Variants in GPC5 observed in about 807,000 individuals in gnomAD.
GPC5 encodes glypican-5.
GPC5 carries 47 observed loss-of-function variants against 53.9 expected under a neutral mutation model. The ratio of observed to expected loss-of-function variants is 0.87; its 90% CI spans 0.69 to 1.11. The LOEUF (loss-of-function observed/expected upper bound fraction) is 1.11. Among genes scored for constraint, GPC5 ranks in the 50% most tolerant of loss-of-function variants. The probability of loss-of-function intolerance (pLI) is 0.00; values close to 1 mark genes in which losing one functional copy is unlikely to be tolerated. For missense variants in GPC5, 748 were observed against 713.1 expected (o/e 1.05, Z -0.56); for synonymous variants, 286 against 263.3 (o/e 1.09, Z -0.84).
chr13:91,583,676 A>G (rs1378203210), intron 2 of GPC5, among the ~76,000 whole-genome samples: 1 of 152,166 alleles, frequency 6.6e-6, no homozygotes, highest in African/African-American at 2.4e-5. Flanking sequence ...AAGAATAAGT[A>G]AAATAGCTGA....
chr13:91,455,997 C>A (rs1159594148), intron 2 of GPC5, among the ~76,000 whole-genome samples: 1 of 152,126 alleles, frequency 6.6e-6, no homozygotes, highest in Non-Finnish European at 1.5e-5. Flanking sequence ...AGCCCTCCAA[C>A]ATCAATCCAT....
At chr13:92,702,279 G>A (rs1483468203) in intron 7 of GPC5, among the ~76,000 whole-genome samples, 1 of 152,056 alleles carries the variant, frequency 6.6e-6, no homozygotes, top group African/African-American at 2.4e-5. Flanking sequence ...CCATATGCAT[G>A]CTGATGATAT....
intron 7 of GPC5, among the ~76,000 whole-genome samples, chr13:92,747,251 C>A (rs1216875560): frequency 1.3e-5 from 2 of 152,226 alleles, no homozygotes; most frequent in East Asian, 3.9e-4. Context: ...GTTATTTTAT[C>A]CCCATTTTAC....
At chr13:92,057,290 C>G (rs996355163) in intron 6 of GPC5, among the ~76,000 whole-genome samples, 2 of 113,684 alleles carry the variant, frequency 1.8e-5, no homozygotes, top group African/African-American at 6.2e-5. Flanking sequence ...ATGTGGAAAA[C>G]AAAAAAACAA....
chr13:91,964,120 G>A (rs557972075), intron 6 of GPC5, among the ~76,000 whole-genome samples: 2 of 152,274 alleles, frequency 1.3e-5, no homozygotes, highest in Non-Finnish European at 2.9e-5. Flanking sequence ...GAGGTCTCCA[G>A]AGTTTCTTCC....
chr13:92,369,604 G>C (rs966832086), intron 7 of GPC5, among the ~76,000 whole-genome samples: 1 of 152,220 alleles, frequency 6.6e-6, no homozygotes, highest in Non-Finnish European at 1.5e-5. Flanking sequence ...ACAAGCTATT[G>C]TAGGAAAACT....
intron 2 of GPC5, among the ~76,000 whole-genome samples, chr13:91,585,222 A>G (rs2032517705): frequency 6.6e-6 from 1 of 152,210 alleles, no homozygotes; most frequent in Non-Finnish European, 1.5e-5. Context: ...GATTAGCACC[A>G]TCATTTTGGA....
intron 6 of GPC5, among the ~76,000 whole-genome samples, chr13:92,024,728 A>C (rs1247329496): frequency 6.6e-6 from 1 of 152,176 alleles, no homozygotes; most frequent in East Asian, 1.9e-4. Context: ...ATGACCAAAC[A>C]CATACTTATT....
chr13:92,664,404 T>C (rs1235215655), intron 7 of GPC5, among the ~76,000 whole-genome samples: 1 of 151,972 alleles, frequency 6.6e-6, no homozygotes, highest in Non-Finnish European at 1.5e-5. Context: ...TTTACTTCCT[T>C]CTTCAGCTTC....
intron 7 of GPC5, among the ~76,000 whole-genome samples, chr13:92,706,672 C>G (rs563190369): frequency 5.3e-5 from 8 of 152,080 alleles, no homozygotes; most frequent in Non-Finnish European, 1.0e-4. Context: ...ATATTAGCCT[C>G]CCCTGGTAAT....
At chr13:91,418,443 C>T (rs1267699595) in intron 1 of GPC5, among the ~76,000 whole-genome samples, 1 of 152,160 alleles carries the variant, frequency 6.6e-6, no homozygotes, top group African/African-American at 2.4e-5. Context: ...TTGACACAAG[C>T]ATGAAGTGGA....
chr13:92,515,232 A>G (rs1880725932), intron 7 of GPC5, among the ~76,000 whole-genome samples: 1 of 152,204 alleles, frequency 6.6e-6, no homozygotes, highest in Admixed American at 6.5e-5. Context: ...AGAACAAGTA[A>G]ATGAACACAT....
rs559843761 is a variant in GPC5, at chr13:92,789,512, G to C, written c.1562-76770G>C. 1.1e-3 allele frequency among the ~76,000 whole-genome samples: 170 copies of C among 152,196 alleles called. 2 individuals carry two copies. Among genetic ancestry groups the C allele is most frequent in the Non-Finnish European group, 1.1e-3 (73 of 68,010 alleles). On this transcript the variant is annotated intron_variant, in intron 7 of 7. Coordinates refer to ENST00000377067, the MANE Select transcript of GPC5 (RefSeq NM_004466.6). ...TTAACAAACTCAGGTCATTTATCATGTGTGAAACTGTCAAACACCATTCTA... is the reference window on the plus strand; with the variant it reads ...TTAACAAACTCAGGTCATTTATCATCTGTGAAACTGTCAAACACCATTCTA...
chr13:91,978,111 A>G (rs546346858), intron 6 of GPC5, among the ~76,000 whole-genome samples: 6 of 152,338 alleles, frequency 3.9e-5, no homozygotes, highest in Middle Eastern at 3.4e-3. Context: ...GCCATGAGCC[A>G]TGATCGTGCC....
At chr13:92,426,210 G>T (rs1272048699) in intron 7 of GPC5, among the ~76,000 whole-genome samples, 3 of 151,826 alleles carry the variant, frequency 2.0e-5, no homozygotes, top group Non-Finnish European at 4.4e-5. Flanking sequence ...TATATATCTG[G>T]CCATCAGTCC....
chr13:92,480,004 G>T (rs1325270795), intron 7 of GPC5, among the ~76,000 whole-genome samples: 1 of 152,096 alleles, frequency 6.6e-6, no homozygotes, highest in Non-Finnish European at 1.5e-5. Flanking sequence ...AATACAAAGT[G>T]GGCCAGGCAT....
intron 7 of GPC5, among the ~76,000 whole-genome samples, chr13:92,156,173 AC>A (rs963441011): frequency 1.4e-4 from 21 of 151,904 alleles, no homozygotes; most frequent in Admixed American, 7.2e-4. Flanking sequence ...TCTCTTCTTA[AC>A]TTTCTGTTAT....
chr13:92,836,545 G>A (rs1878225576), intron 7 of GPC5, among the ~76,000 whole-genome samples: 1 of 152,000 alleles, frequency 6.6e-6, no homozygotes, highest in Admixed American at 6.6e-5. Flanking sequence ...AGTTATACTG[G>A]TTATACAGTA....
chr13:92,134,238 T>C (rs558920154), intron 6 of GPC5, among the ~76,000 whole-genome samples: 1 of 152,296 alleles, frequency 6.6e-6, no homozygotes, highest in African/African-American at 2.4e-5. Context: ...TACTGTGCTC[T>C]GTAGTGTTTG....
Sources: gnomAD v4.1 joint callset for allele counts (sites outside exome capture counted in the v4.1 genomes callset) on GRCh38, gnomAD v4.1.1 for gene constraint, MANE v1.5 for transcripts, NCBI Gene and HGNC (gene_info 2026-07-23, HGNC 2026-07-21) for gene names.